The following TNFSF4 variants were observed in gnomAD, a reference collection of about 807,000 sequenced individuals.
The protein encoded by TNFSF4 is tumor necrosis factor ligand superfamily member 4.
TNFSF4 carries 4 observed loss-of-function variants against 7.3 expected under a neutral mutation model. That is an observed-to-expected ratio of 0.55 (90% CI 0.27 to 1.25). The LOEUF (loss-of-function observed/expected upper bound fraction) is 1.25, where lower values mean the gene tolerates loss of function less well. Among genes scored for constraint, TNFSF4 ranks in the 50% most tolerant of loss-of-function variants. The pLI, the probability that TNFSF4 is intolerant of heterozygous loss-of-function variation, is 0.12. For missense variants in TNFSF4, 181 were observed against 208.8 expected (o/e 0.87, Z 0.82); for synonymous variants, 76 against 83.7 (o/e 0.91, Z 0.50).
At chr1:173,298,720 C>T in the TNFSF4 span, among the ~76,000 whole-genome samples, 2 of 151,896 alleles carry the variant, frequency 1.3e-5, no homozygotes, top group African/African-American at 2.4e-5. Context: ...TTGTTTGTTA[C>T]TGTGCACAAC....
intron 2 of TNFSF4, 82 bp from the exon 3 acceptor site, chr1:173,186,947 G>T (rs1301679228): frequency 3.2e-6 from 3 of 944,452 alleles, no homozygotes; most frequent in Non-Finnish European, 4.7e-6. Context: ...TCTGGAATCA[G>T]ATGAAGAGAA....
chr1:173,288,383 C>T, the TNFSF4 span, among the ~76,000 whole-genome samples: 1 of 152,088 alleles, frequency 6.6e-6, no homozygotes, highest in African/African-American at 2.4e-5. Context: ...TTGCAGTGAG[C>T]TGAGGTGGTG....
chr1:173,319,803 C>T, the TNFSF4 span, among the ~76,000 whole-genome samples: 2 of 152,290 alleles, frequency 1.3e-5, no homozygotes, highest in African/African-American at 4.8e-5. Flanking sequence ...ACAGCAAGAA[C>T]AGCAACACCA....
chr1:173,249,408 C>T, the TNFSF4 span, among the ~76,000 whole-genome samples: 1 of 152,230 alleles, frequency 6.6e-6, no homozygotes, highest in Non-Finnish European at 1.5e-5. Flanking sequence ...AAAAATAAAA[C>T]TGTCCATTCA....
the TNFSF4 span, among the ~76,000 whole-genome samples, chr1:173,340,323 TACACACACACACACACACAC>T: frequency 2.9e-5 from 4 of 135,758 alleles, no homozygotes; most frequent in East Asian, 2.2e-4. Context: ...CTAATCTGTT[TACACACACACACACACACAC>T]ACACACACAC....
the TNFSF4 span, chr1:173,352,117 G>A: frequency 2.0e-5 from 5 of 250,650 alleles, no homozygotes; most frequent in Non-Finnish European, 3.0e-5. Context: ...CATTGCTACA[G>A]CTGCTCACTT....
chr1:173,244,641 C>CAAAAAAAAAA, the TNFSF4 span, among the ~76,000 whole-genome samples: 3 of 62,342 alleles, frequency 4.8e-5, no homozygotes, highest in African/African-American at 7.8e-5. Context: ...GACTCTGTCT[C>CAAAAAAAAAA]AAAAAAAAAC....
the TNFSF4 span, among the ~76,000 whole-genome samples, chr1:173,215,747 G>A: frequency 2.0e-5 from 3 of 152,120 alleles, no homozygotes; most frequent in African/African-American, 7.2e-5. Context: ...ATCATAGCAT[G>A]AGACACTGAA....
At chr1:173,239,851 T>C in the TNFSF4 span, among the ~76,000 whole-genome samples, 1 of 152,120 alleles carries the variant, frequency 6.6e-6, no homozygotes, top group Non-Finnish European at 1.5e-5. Flanking sequence ...GCCAACATGA[T>C]GAAATCTCAT....
chr1:173,333,609 C>A, the TNFSF4 span, among the ~76,000 whole-genome samples: 2 of 152,026 alleles, frequency 1.3e-5, no homozygotes, highest in Non-Finnish European at 2.9e-5. Flanking sequence ...GAAACCAGAA[C>A]CCCTCTCCCT....
the TNFSF4 span, among the ~76,000 whole-genome samples, chr1:173,355,605 C>G: frequency 6.6e-6 from 1 of 152,204 alleles, no homozygotes; most frequent in East Asian, 1.9e-4. Context: ...GCTCCATGTA[C>G]ATTGTACCAC....
At chr1:173,405,930 A>G in the TNFSF4 span, among the ~76,000 whole-genome samples, 19 of 152,216 alleles carry the variant, frequency 1.2e-4, no homozygotes, top group African/African-American at 4.6e-4. Flanking sequence ...CGAAATATGG[A>G]GTTAGCTCAT....
At chr1:173,240,660 A>C in the TNFSF4 span, among the ~76,000 whole-genome samples, 2 of 152,144 alleles carry the variant, frequency 1.3e-5, no homozygotes, top group African/African-American at 4.8e-5. Flanking sequence ...ATACCCTCAT[A>C]AACATTTCCT....
chr1:173,258,426 T>A, the TNFSF4 span, among the ~76,000 whole-genome samples: 1 of 151,954 alleles, frequency 6.6e-6, no homozygotes. Context: ...CAGTGAGTGA[T>A]TGTGCTACCC....
At chr1:173,407,051 C>A in the TNFSF4 span, among the ~76,000 whole-genome samples, 1 of 152,020 alleles carries the variant, frequency 6.6e-6, no homozygotes, top group Non-Finnish European at 1.5e-5. Context: ...CTGCCTCACT[C>A]GGTGCAGACT....
At chr1:173,318,862 C>G in the TNFSF4 span, among the ~76,000 whole-genome samples, 5 of 152,332 alleles carry the variant, frequency 3.3e-5, no homozygotes, top group African/African-American at 1.2e-4. Context: ...GATCAGGAGA[C>G]TCCCTCATGT....
the TNFSF4 span, chr1:173,362,580 C>A: frequency 1.9e-6 from 1 of 520,964 alleles, no homozygotes; most frequent in South Asian, 1.5e-5. Context: ...AGTTGTCTTT[C>A]AGTTCAACAG....
the TNFSF4 span, among the ~76,000 whole-genome samples, chr1:173,380,690 T>G: frequency 1.3e-5 from 2 of 152,132 alleles, no homozygotes; most frequent in Non-Finnish European, 2.9e-5. Context: ...TGGTTCCTAG[T>G]AGATACAGAA....
At chr1:173,218,431 C>T in the TNFSF4 span, among the ~76,000 whole-genome samples, 7 of 152,168 alleles carry the variant, frequency 4.6e-5, no homozygotes, top group Admixed American at 3.9e-4. Flanking sequence ...CGCCCACTTC[C>T]TCACAGCTTT....
Sources: gnomAD v4.1 joint callset for allele counts (sites outside exome capture counted in the v4.1 genomes callset) on GRCh38, gnomAD v4.1.1 for gene constraint, MANE v1.5 for transcripts, NCBI Gene and HGNC (gene_info 2026-07-23, HGNC 2026-07-21) for gene names.